The following FBN2 variants were observed in gnomAD, a reference collection of about 807,000 sequenced individuals.
FBN2 encodes fibrillin 2, also known as fibrillin-2.
Under a neutral mutation model 355.6 loss-of-function variants are expected in FBN2, and 105 were observed. The ratio of observed to expected loss-of-function variants is 0.30; its 90% CI spans 0.25 to 0.35. The LOEUF (loss-of-function observed/expected upper bound fraction) is 0.35, where lower values mean the gene tolerates loss of function less well. Among genes scored for constraint, FBN2 ranks in the 10% least tolerant of loss-of-function variants. The probability of loss-of-function intolerance (pLI) is 1.00; values close to 1 mark genes in which losing one functional copy is unlikely to be tolerated. For missense variants in FBN2, 3,280 were observed against 3,758.7 expected (o/e 0.87, Z 3.33); for synonymous variants, 1,350 against 1,301.2 (o/e 1.04, Z -0.81).
chr5:128,270,967 T>C (rs1765253801), intron 62 of FBN2, among the ~76,000 whole-genome samples: 1 of 152,224 alleles, frequency 6.6e-6, no homozygotes, highest in African/African-American at 2.4e-5. Flanking sequence ...TGATCACTTA[T>C]TGGTTTCTGC....
At chr5:128,423,065 G>A (rs1295501219) in intron 7 of FBN2, among the ~76,000 whole-genome samples, 1 of 152,072 alleles carries the variant, frequency 6.6e-6, no homozygotes, top group Non-Finnish European at 1.5e-5. Context: ...ATGACAATAT[G>A]GTGAGATAAA....
intron 45 of FBN2, among the ~76,000 whole-genome samples, chr5:128,303,811 A>C (rs1292123321): frequency 6.6e-6 from 1 of 152,156 alleles, no homozygotes; most frequent in Non-Finnish European, 1.5e-5. Flanking sequence ...CCCCATACGA[A>C]ATTCTGAATC....
intron 15 of FBN2, among the ~76,000 whole-genome samples, chr5:128,371,981 A>T (rs1313054368): frequency 6.6e-6 from 1 of 152,202 alleles, no homozygotes; most frequent in Admixed American, 6.5e-5. Context: ...TTATAACTTA[A>T]AGCAGCAACT....
At position 128,393,188 on chromosome 5, in the gene FBN2, A is replaced by C. The variant is rs928205576; in HGVS notation, c.1412T>G (p.Val471Gly). The C allele has an allele frequency of 1.9e-6, 3 of 1,614,086 alleles. No homozygotes were observed. The highest frequency in any genetic ancestry group is 2.5e-6 in the Non-Finnish European group (3 of 1,180,002). Residue 471 changes from valine (V) to glycine (G), a missense_variant, in exon 10 of 65, where the codon GTT becomes GGT. This residue lies in a region of FBN2 where 343 missense variants were observed against 331.0 expected (regional missense o/e 1.04). Coordinates refer to ENST00000262464, the MANE Select transcript of FBN2 (RefSeq NM_001999.4). ...CCCGGCCCCCACACCGGCTCCCCCA[A>C]CGCCAGGAGAAAAGCCATTGCCTCC... ...IPGGNGFSPG[V>G]GGAGVGAGGQ...
In FBN2 at chr5:128,305,646, C is replaced by A. The variant is rs1407244067; in HGVS notation, c.5549-10G>T. On this transcript the variant is annotated splice_polypyrimidine_tract_variant and intron_variant, in intron 43 of 64. Transcript: ENST00000262464. ...CTGCACTCATCTATATCTGAAAGAG[C>A]AACAATTCCATTTTAAAGAGTCCTT... 1.2e-6 allele frequency: 2 copies of A among 1,613,776 alleles called. No homozygotes were observed. Among genetic ancestry groups the A allele is most frequent in the African/African-American group, 1.3e-5 (1 of 74,910 alleles).
intron 36 of FBN2, 46 bp downstream of exon 36, chr5:128,318,103 T>C (rs1270931517): frequency 6.3e-7 from 1 of 1,594,238 alleles, no homozygotes; most frequent in African/African-American, 1.3e-5. Context: ...AGTCTGAATA[T>C]TCAACTTGAT....
Position 128,366,396 on chromosome 5 carries a change from A to G in FBN2, c.2283T>C (p.Gly761=), listed in dbSNP as rs1235214641. The part of the protein sequence containing the change: ...EFHGLCSSGV[G]ITVDGRDINE... ...AGTTACCTCTTCCATCCACAGTGATACCTACTCCACTACTACAAAGGCCGT... is the reference window on the plus strand; with the variant it reads ...AGTTACCTCTTCCATCCACAGTGATGCCTACTCCACTACTACAAAGGCCGT... The change falls in exon 17 of 65, where the codon GGT becomes GGC. Residue 761 remains glycine (G), a synonymous_variant. Transcript: ENST00000262464. The G allele has an allele frequency of 4.4e-6, 7 of 1,603,722 alleles. No individual in the cohort carries two copies. The highest frequency in any genetic ancestry group is 6.0e-6 in the Non-Finnish European group (7 of 1,171,898).
At chr5:128,453,997 C>G (rs560853318) in intron 6 of FBN2, among the ~76,000 whole-genome samples, 22 of 151,542 alleles carry the variant, frequency 1.5e-4, no homozygotes, top group African/African-American at 4.1e-4. Flanking sequence ...CTTGCCCCCC[C>G]CCCAAGTTTC....
Position 128,289,173 on chromosome 5 carries a change from T to C in FBN2, c.6591A>G (p.Glu2197=), listed in dbSNP as rs886059895. 6.2e-7 allele frequency: 1 copy of C among 1,613,924 alleles called. No homozygotes were observed. Among genetic ancestry groups the C allele is most frequent in the South Asian group, 1.1e-5 (1 of 91,076 alleles). The change falls in exon 52 of 65, where the codon GAA becomes GAG. Residue 2197 remains glutamate, a synonymous_variant. Coordinates refer to ENST00000262464, the MANE Select transcript of FBN2 (RefSeq NM_001999.4). The stretch of plus-strand genomic sequence containing the variant: ...AGTCAAGGTTGTAGCCCATTGGACA[T>C]TCACAGCGAAAAGATCCGTCGGTGT... ...CINTDGSFRC[E]CPMGYNLDYT...
chr5:128,271,515 TG>T (rs1388798170), intron 62 of FBN2, among the ~76,000 whole-genome samples: 3 of 152,228 alleles, frequency 2.0e-5, no homozygotes, highest in African/African-American at 7.2e-5. Flanking sequence ...CAGCATTTGC[TG>T]TAAGTAGGTA....
intron 55 of FBN2, among the ~76,000 whole-genome samples, chr5:128,284,913 C>T (rs1174699309): frequency 6.6e-6 from 1 of 152,070 alleles, no homozygotes; most frequent in East Asian, 1.9e-4. Context: ...TGCTTATGTC[C>T]CTGATCTTCT....
intron 5 of FBN2, among the ~76,000 whole-genome samples, chr5:128,481,793 T>C (rs1755197368): frequency 6.6e-6 from 1 of 152,216 alleles, no homozygotes; most frequent in African/African-American, 2.4e-5. Flanking sequence ...ACACTTTACT[T>C]GAGTTTCTAT....
chr5:128,390,658 T>C (rs1752487225), intron 11 of FBN2, among the ~76,000 whole-genome samples: 1 of 152,214 alleles, frequency 6.6e-6, no homozygotes, highest in African/African-American at 2.4e-5. Context: ...CAAGGAAAAG[T>C]TTCTGCGTAG....
intron 18 of FBN2, among the ~76,000 whole-genome samples, chr5:128,362,114 G>C (rs1281316088): frequency 4.6e-5 from 7 of 152,108 alleles, no homozygotes; most frequent in Non-Finnish European, 1.0e-4. Context: ...TACTTCACTT[G>C]CTTTTAGTCC....
intron 13 of FBN2, among the ~76,000 whole-genome samples, chr5:128,377,216 T>C (rs1334368162): frequency 6.6e-6 from 1 of 152,220 alleles, no homozygotes; most frequent in African/African-American, 2.4e-5. Flanking sequence ...TGATCTGGAC[T>C]TTCATTAGTA....
intron 11 of FBN2, among the ~76,000 whole-genome samples, chr5:128,387,138 A>T (rs1752386674): frequency 6.6e-6 from 1 of 152,152 alleles, no homozygotes; most frequent in African/African-American, 2.4e-5. Context: ...TGGTCTGTTC[A>T]GGGATTCAAT....
intron 16 of FBN2, among the ~76,000 whole-genome samples, chr5:128,368,423 T>TATATATATATATATACATATATAC (rs1751831280): frequency 7.8e-6 from 1 of 128,176 alleles, no homozygotes; most frequent in Non-Finnish European, 1.8e-5. Flanking sequence ...TGTGTGTGTA[T>TATATATATATATATACATATATAC]ATATATATAT....
intron 5 of FBN2, among the ~76,000 whole-genome samples, chr5:128,514,849 A>G (rs919427433): frequency 6.6e-5 from 10 of 152,358 alleles, no homozygotes; most frequent in South Asian, 6.2e-4. Context: ...GACATTTTAA[A>G]ACAGAAAATT....
chr5:128,399,572 C>G (rs1290709109), intron 8 of FBN2, among the ~76,000 whole-genome samples: 1 of 151,730 alleles, frequency 6.6e-6, no homozygotes, highest in Non-Finnish European at 1.5e-5. Flanking sequence ...AAATGATGAG[C>G]AAAAAATATT....
Sources: allele counts gnomAD v4.1 joint callset (sites outside exome capture counted in the v4.1 genomes callset), GRCh38; gene constraint gnomAD v4.1.1; regional missense constraint gnomAD v4.1.1; transcripts MANE v1.5; gene names NCBI Gene and HGNC (gene_info 2026-07-23, HGNC 2026-07-21).